GPC5: variants seen among roughly 807,000 people sequenced by gnomAD.
GPC5 encodes the protein glypican 5.
A neutral mutation model predicts 53.9 loss-of-function variants in GPC5; 47 were observed. That is an observed-to-expected ratio of 0.87 (90% CI 0.69 to 1.11). The LOEUF (loss-of-function observed/expected upper bound fraction) is 1.11. GPC5 is among the 50% of genes most tolerant of loss of function. The probability of loss-of-function intolerance (pLI) is 0.00; values close to 1 mark genes in which losing one functional copy is unlikely to be tolerated. For missense variants in GPC5, 748 were observed against 713.1 expected (o/e 1.05, Z -0.56); for synonymous variants, 286 against 263.3 (o/e 1.09, Z -0.84).
chr13:91,903,929 C>T (rs375686230), intron 5 of GPC5, among the ~76,000 whole-genome samples: 2 of 151,802 alleles, frequency 1.3e-5, no homozygotes, highest in African/African-American at 4.8e-5. Context: ...CAATTAATAG[C>T]TTAATTAAAA....
chr13:91,860,850 T>C (rs1029556800), intron 5 of GPC5, among the ~76,000 whole-genome samples: 1 of 152,210 alleles, frequency 6.6e-6, no homozygotes, highest in Non-Finnish European at 1.5e-5. Context: ...GACCCTTAGG[T>C]TGATTCCATA....
At chr13:92,137,890 A>T (rs2041797598) in intron 6 of GPC5, among the ~76,000 whole-genome samples, 1 of 152,190 alleles carries the variant, frequency 6.6e-6, no homozygotes, top group Non-Finnish European at 1.5e-5. Flanking sequence ...AAATTATTTT[A>T]TCAAACCCTA....
intron 7 of GPC5, among the ~76,000 whole-genome samples, chr13:92,769,219 A>C (rs750396511): frequency 3.3e-5 from 5 of 152,210 alleles, no homozygotes; most frequent in Non-Finnish European, 7.3e-5. Flanking sequence ...GGAAGGTTGC[A>C]TCATTTCATG....
chr13:92,070,331 A>G (rs1003855240), intron 6 of GPC5, among the ~76,000 whole-genome samples: 7 of 152,170 alleles, frequency 4.6e-5, no homozygotes, highest in Admixed American at 1.3e-4. Flanking sequence ...TACTACCTGA[A>G]TACAACACAC....
rs150828379 is a variant in GPC5 at position 92,200,689 on chromosome 13, T to C, written c.1561+55700T>C. On this transcript the variant is annotated intron_variant, in intron 7 of 7. Transcript: ENST00000377067. ...CTTTCAGCTTCATTTTGTAAAACCA[T>C]GGGGGAGTTTCCAACTGGATTCGAT... Among the ~76,000 whole-genome samples the C allele has an allele frequency of 2.1e-3, 321 of 152,308 alleles. 1 individual carries two copies. The highest frequency in any genetic ancestry group is 7.2e-3 in the African/African-American group (301 of 41,584).
intron 7 of GPC5, among the ~76,000 whole-genome samples, chr13:92,407,044 A>G (rs892653033): frequency 6.6e-6 from 1 of 152,176 alleles, no homozygotes; most frequent in Non-Finnish European, 1.5e-5. Flanking sequence ...AATTCTCTAT[A>G]AGGTAAAATT....
At chr13:91,786,977 T>C (rs1326701594) in intron 5 of GPC5, among the ~76,000 whole-genome samples, 4 of 150,206 alleles carry the variant, frequency 2.7e-5, no homozygotes, top group Admixed American at 2.0e-4. Flanking sequence ...TTGTAAATGG[T>C]ACAATTACTT....
chr13:91,611,987 T>C (rs2033566168), intron 2 of GPC5, among the ~76,000 whole-genome samples: 1 of 152,200 alleles, frequency 6.6e-6, no homozygotes, highest in Non-Finnish European at 1.5e-5. Context: ...GCTCTATCCA[T>C]ACCTAATAAG....
intron 2 of GPC5, among the ~76,000 whole-genome samples, chr13:91,511,086 T>C (rs962957483): frequency 6.6e-6 from 1 of 152,134 alleles, no homozygotes; most frequent in Admixed American, 6.6e-5. Flanking sequence ...ATTTTATCTA[T>C]TTAGGTTAAA....
chr13:92,586,729 C>G (rs1293798749), intron 7 of GPC5, among the ~76,000 whole-genome samples: 1 of 152,122 alleles, frequency 6.6e-6, no homozygotes, highest in Non-Finnish European at 1.5e-5. Context: ...CCCTAAAGAT[C>G]TTACAGGAGA....
intron 6 of GPC5, among the ~76,000 whole-genome samples, chr13:92,032,673 A>G (rs761337233): frequency 1.3e-5 from 2 of 152,042 alleles, no homozygotes; most frequent in East Asian, 3.9e-4. Context: ...TGTGTCCTGT[A>G]TTGTAACTAA....
At chr13:91,632,060 CT>C (rs1675812586) in intron 2 of GPC5, among the ~76,000 whole-genome samples, 1 of 152,110 alleles carries the variant, frequency 6.6e-6, no homozygotes, top group South Asian at 2.1e-4. Flanking sequence ...AGAAAGCCAA[CT>C]GGTACAATTG....
intron 7 of GPC5, among the ~76,000 whole-genome samples, chr13:92,734,886 T>C (rs954616456): frequency 6.6e-5 from 10 of 151,892 alleles, no homozygotes; most frequent in African/African-American, 1.9e-4. Context: ...CTATTTTTCA[T>C]AAAATTATTA....
chr13:92,834,330 T>G (rs1378515676), intron 7 of GPC5, among the ~76,000 whole-genome samples: 1 of 152,180 alleles, frequency 6.6e-6, no homozygotes, highest in Non-Finnish European at 1.5e-5. Context: ...TGGTAATTTA[T>G]AAGATTTTAA....
intron 7 of GPC5, among the ~76,000 whole-genome samples, chr13:92,700,570 CAAAT>C (rs556853452): frequency 8.8e-4 from 134 of 151,912 alleles, no homozygotes; most frequent in African/African-American, 3.2e-3. Flanking sequence ...GAGTTTTTAA[CAAAT>C]AAATACTGGA....
At chr13:91,951,156 A>G (rs984361170) in intron 6 of GPC5, among the ~76,000 whole-genome samples, 4 of 152,158 alleles carry the variant, frequency 2.6e-5, no homozygotes, top group Non-Finnish European at 5.9e-5. Flanking sequence ...TTAAATATTT[A>G]CTGAAGAATG....
intron 7 of GPC5, among the ~76,000 whole-genome samples, chr13:92,865,714 T>G (rs1445213793): frequency 3.3e-5 from 5 of 152,174 alleles, no homozygotes; most frequent in Non-Finnish European, 7.3e-5. Context: ...CTTGACTTTA[T>G]CATTCCTCCT....
intron 6 of GPC5, chr13:91,995,558 C>T (rs1250006994): frequency 6.6e-6 from 1 of 152,080 alleles, no homozygotes; most frequent in Non-Finnish European, 1.5e-5. Flanking sequence ...GCACTTTACC[C>T]ACAGAACTGT....
At chr13:92,075,098 T>C (rs1566424427) in intron 6 of GPC5, among the ~76,000 whole-genome samples, 1 of 152,232 alleles carries the variant, frequency 6.6e-6, no homozygotes, top group African/African-American at 2.4e-5. Context: ...CACAGAATGC[T>C]TGAAAGATTC....
Sources: gnomAD v4.1 joint callset for allele counts (sites outside exome capture counted in the v4.1 genomes callset) on GRCh38, gnomAD v4.1.1 for gene constraint, MANE v1.5 for transcripts, NCBI Gene and HGNC (gene_info 2026-07-23, HGNC 2026-07-21) for gene names.